RASGRF2: variants seen among roughly 807,000 people sequenced by gnomAD.
RASGRF2 encodes the protein ras-specific guanine nucleotide-releasing factor 2.
A neutral mutation model predicts 151.0 loss-of-function variants in RASGRF2; 76 were observed. That is an observed-to-expected ratio of 0.50 (90% CI 0.42 to 0.61). RASGRF2 has a LOEUF of 0.61. RASGRF2 is among the 20% of genes least tolerant of loss of function. RASGRF2 has a pLI of 0.00. For synonymous variants in RASGRF2, 504 were observed against 566.5 expected, an observed-to-expected ratio of 0.89 and a Z score of 1.57; for missense variants, 1,148 against 1,564.6, an observed-to-expected ratio of 0.73 and a Z score of 4.49.
At chr5:81,019,819 CTT>C (rs1311692213) in intron 1 of RASGRF2, among the ~76,000 whole-genome samples, 1 of 152,094 alleles carries the variant, frequency 6.6e-6, no homozygotes, top group African/African-American at 2.4e-5. Flanking sequence ...GAATAAATAT[CTT>C]TATTGCTGAT....
intron 1 of RASGRF2, among the ~76,000 whole-genome samples, chr5:81,008,164 T>TTTTG (rs1293043649): frequency 8.4e-6 from 1 of 118,550 alleles, no homozygotes; most frequent in Non-Finnish European, 1.9e-5. Context: ...TTTTTTTTTT[T>TTTTG]TTTTGAGACA....
At chr5:81,123,127 A>C (rs1753354518) in intron 15 of RASGRF2, among the ~76,000 whole-genome samples, 1 of 152,188 alleles carries the variant, frequency 6.6e-6, no homozygotes, top group African/African-American at 2.4e-5. Flanking sequence ...AAATTTACAT[A>C]GCCACGTTTG....
chr5:81,167,906 A>G (rs1754550358), intron 17 of RASGRF2, among the ~76,000 whole-genome samples: 1 of 152,176 alleles, frequency 6.6e-6, no homozygotes, highest in Non-Finnish European at 1.5e-5. Context: ...TTAAATGGAT[A>G]TTCTGCACTG....
At chr5:81,054,652 A>ATTTT in intron 2 of RASGRF2, among the ~76,000 whole-genome samples, 1 of 108,630 alleles carries the variant, frequency 9.2e-6, no homozygotes. Flanking sequence ...GTTTTTTCCA[A>ATTTT]TTCTGTGAAG....
chr5:81,074,931 G>A (rs1580283902), intron 5 of RASGRF2, among the ~76,000 whole-genome samples: 5 of 152,306 alleles, frequency 3.3e-5, no homozygotes, highest in Admixed American at 3.3e-4. Flanking sequence ...GAGTTATCAA[G>A]GTGGGACATG....
chr5:81,054,734 G>T (rs1751138735), intron 2 of RASGRF2, among the ~76,000 whole-genome samples: 1 of 127,688 alleles, frequency 7.8e-6, no homozygotes, highest in African/African-American at 3.1e-5. Flanking sequence ...CCATTTTCAT[G>T]ATATTGATTC....
At chr5:81,086,500 C>G (rs988762530) in intron 8 of RASGRF2, among the ~76,000 whole-genome samples, 2 of 152,174 alleles carry the variant, frequency 1.3e-5, no homozygotes, top group Non-Finnish European at 2.9e-5. Flanking sequence ...CTAAAGGTCT[C>G]TTATTTAGTC....
chr5:81,066,300 T>C (rs26903), intron 2 of RASGRF2, among the ~76,000 whole-genome samples: 113,293 of 151,930 alleles, frequency 0.75, 43,381 homozygotes, highest in Non-Finnish European at 0.84. Flanking sequence ...GACTTAAAAA[T>C]GTTGCTGACA....
chr5:81,031,302 A>G (rs565425342), intron 1 of RASGRF2, among the ~76,000 whole-genome samples: 5 of 152,354 alleles, frequency 3.3e-5, no homozygotes, highest in South Asian at 2.1e-4. Context: ...AAGCAGACCT[A>G]ATAGACATCT....
At chr5:81,087,737 A>G (rs1488162099) in intron 9 of RASGRF2, 3 of 234,706 alleles carry the variant, frequency 1.3e-5, no homozygotes, top group African/African-American at 2.2e-5. Context: ...GAGACAATAT[A>G]TTGCACACAT....
At chr5:80,995,595 T>G (rs572866561) in intron 1 of RASGRF2, among the ~76,000 whole-genome samples, 108 of 151,764 alleles carry the variant, frequency 7.1e-4, no homozygotes, top group Non-Finnish European at 1.4e-3. Context: ...CTAATCCCAC[T>G]TCTCAGAGCC....
rs753452541 is a variant in RASGRF2 at position 81,123,709 on chromosome 5, A to C, written c.2538A>C (p.Glu846Asp). The C allele has an allele frequency of 6.2e-7, 1 of 1,613,890 alleles. No individual in the cohort carries two copies. The change falls in exon 16 of 27, where the codon GAA becomes GAC. Residue 846 changes from glutamate (E) to aspartate (D), a missense_variant. Around this residue, in one of 5 missense-constraint regions of RASGRF2, gnomAD observed 646 missense variants for 807.4 expected, o/e 0.80. Coordinates refer to ENST00000265080, the MANE Select transcript of RASGRF2 (RefSeq NM_006909.3). ...GCTCCCCTGCAGCGGACACCACAGA[A>C]CTTTCACCTTGCAGATCCCCCTCAA... Reference protein sequence around the residue: ...VESSPAADTTELSPCRSPSTP... With the variant: ...VESSPAADTTDLSPCRSPSTP...
Position 81,208,029 on chromosome 5 carries a change from A to T in RASGRF2, c.3072-325A>T, listed in dbSNP as rs530251748. Among the ~76,000 whole-genome samples the T allele has an allele frequency of 5.9e-5, 9 of 152,348 alleles. No individual in the cohort carries two copies. In the South Asian group the frequency reaches 1.9e-3, roughly 32 times the overall value. On this transcript the variant is annotated intron_variant, in intron 21 of 26. Coordinates refer to ENST00000265080, the MANE Select transcript of RASGRF2 (RefSeq NM_006909.3). Reference sequence around the variant, plus strand: ...CCTGGGAAAATAGTCTTGATTTCTAAGGTAGTACTTAACCTCTTTATTTCC... The same window carrying T: ...CCTGGGAAAATAGTCTTGATTTCTATGGTAGTACTTAACCTCTTTATTTCC...
intron 24 of RASGRF2, chr5:81,216,830 A>G: frequency 3.3e-6 from 1 of 299,914 alleles, no homozygotes; most frequent in Non-Finnish European, 6.8e-6. Flanking sequence ...CTAAAAACCA[A>G]ACAAAACAGT....
At chr5:81,169,844 TCACCTGCAC>T (rs942290694) in intron 17 of RASGRF2, among the ~76,000 whole-genome samples, 1 of 135,986 alleles carries the variant, frequency 7.4e-6, no homozygotes, top group East Asian at 2.2e-4. Context: ...ATCACTTGCA[TCACCTGCAC>T]CACCTGTATC....
At chr5:81,220,438 C>G (rs907747589) in intron 26 of RASGRF2, among the ~76,000 whole-genome samples, 1 of 152,172 alleles carries the variant, frequency 6.6e-6, no homozygotes, top group African/African-American at 2.4e-5. Flanking sequence ...TATTATCTTA[C>G]ATTAGTATGA....
intron 17 of RASGRF2, among the ~76,000 whole-genome samples, chr5:81,169,254 A>T (rs1754586798): frequency 6.6e-6 from 1 of 152,104 alleles, no homozygotes; most frequent in Non-Finnish European, 1.5e-5. Flanking sequence ...GCCATTCCTG[A>T]TTCCTCTTTC....
intron 10 of RASGRF2, among the ~76,000 whole-genome samples, chr5:81,093,479 A>G (rs1752450455): frequency 1.3e-5 from 2 of 152,176 alleles, no homozygotes; most frequent in South Asian, 4.1e-4. Flanking sequence ...CAGCGTGATC[A>G]TAGCTCACTG....
intron 1 of RASGRF2, among the ~76,000 whole-genome samples, chr5:80,971,311 A>T (rs1247375868): frequency 6.6e-6 from 1 of 152,188 alleles, no homozygotes; most frequent in African/African-American, 2.4e-5. Context: ...TGAACTTCCT[A>T]TTCACAGACT....
Sources: gnomAD v4.1 joint callset for allele counts (sites outside exome capture counted in the v4.1 genomes callset) on GRCh38, gnomAD v4.1.1 for gene constraint, gnomAD v4.1.1 regional missense constraint, MANE v1.5 for transcripts, NCBI Gene and HGNC (gene_info 2026-07-23, HGNC 2026-07-21) for gene names.